CERS4: variants seen among roughly 807,000 people sequenced by gnomAD.
CERS4 encodes the protein LAG1 homolog, ceramide synthase 4.
Under a neutral mutation model 51.8 loss-of-function variants are expected in CERS4, and 65 were observed. The ratio of observed to expected loss-of-function variants is 1.26; its 90% CI spans 1.03 to 1.54. The LOEUF is 1.54. Among genes scored for constraint, CERS4 ranks in the 40% most tolerant of loss-of-function variants. The pLI is 0.00. For synonymous variants in CERS4, 228 were observed against 208.4 expected (o/e 1.09, Z -0.81); for missense variants, 563 against 500.4 (o/e 1.13, Z -1.19).
intron 2 of CERS4, among the ~76,000 whole-genome samples, chr19:8,224,421 A>T (rs1337485782): frequency 1.3e-5 from 2 of 150,930 alleles, no homozygotes; most frequent in African/African-American, 4.9e-5. Context: ...AAAAAAAAAA[A>T]AAAATTGTTG....
intron 8 of CERS4, 67 bp downstream of exon 8, chr19:8,256,777 G>A (rs1408734167): frequency 3.2e-6 from 5 of 1,578,458 alleles, no homozygotes; most frequent in East Asian, 4.5e-5. Flanking sequence ...GGGGGGTAGG[G>A]CAGCCTTACA....
chr19:8,253,819 A>G (rs1969219128), intron 3 of CERS4, among the ~76,000 whole-genome samples: 1 of 151,844 alleles, frequency 6.6e-6, no homozygotes, highest in East Asian at 2.0e-4. Flanking sequence ...CGAACTTCTG[A>G]CCTCACGTGA....
chr19:8,259,781 A>T (rs536114502), intron 10 of CERS4, among the ~76,000 whole-genome samples: 4 of 151,996 alleles, frequency 2.6e-5, no homozygotes, highest in African/African-American at 4.8e-5. Context: ...GTAATGTAGG[A>T]GTTGTCAGTC....
rs57335041 is a variant in CERS4 at position 8,232,471 on chromosome 19, T to C, written c.-1-18605T>C. Among the ~76,000 whole-genome samples the C allele has an allele frequency of 6.4e-3, 980 of 152,038 alleles. 15 individuals are homozygous for C. The highest frequency in any genetic ancestry group is 0.022 in the African/African-American group (931 of 41,496). Reference sequence around the variant, plus strand: ...ACACCCGGCAATTTTTTTGTATTTTTAGTAGAGACGGGGTTTCTCCATGTT... The same window carrying C: ...ACACCCGGCAATTTTTTTGTATTTTCAGTAGAGACGGGGTTTCTCCATGTT... On this transcript the variant is annotated intron_variant, in intron 2 of 11. Transcript: ENST00000251363.
rs1306992472 is a variant in CERS4, at chr19:8,221,910, C to T, written c.-2+11048C>T. On this transcript the variant is annotated intron_variant, in intron 2 of 11. Coordinates refer to ENST00000251363, the MANE Select transcript of CERS4 (RefSeq NM_024552.3). Reference sequence around the variant, plus strand: ...TTTTTTTTTTTTTTTGAGACAGAGGCTTGCTCTGTCGCCCAGGCTGGAGTG... The same window carrying T: ...TTTTTTTTTTTTTTTGAGACAGAGGTTTGCTCTGTCGCCCAGGCTGGAGTG... 1.4e-4 allele frequency among the ~76,000 whole-genome samples: 13 copies of T among 94,072 alleles called. No homozygotes were observed. The Admixed American group carries it at 2.0e-3, about 14-fold the overall frequency. 61.7% of individuals were successfully genotyped at this position (94,072 alleles called of 152,430 possible).
chr19:8,219,627 A>G (rs879932687), intron 2 of CERS4, among the ~76,000 whole-genome samples: 16 of 152,004 alleles, frequency 1.1e-4, no homozygotes, highest in Non-Finnish European at 2.1e-4. Context: ...GACCAGCCTG[A>G]CCAACATGGT....
intron 2 of CERS4, among the ~76,000 whole-genome samples, chr19:8,220,114 C>T (rs909381934): frequency 1.3e-3 from 199 of 152,154 alleles, no homozygotes; most frequent in East Asian, 5.8e-4. Context: ...CTGGAATTTG[C>T]CCACCGGCTC....
At chr19:8,253,156 C>CTGTGG (rs1969176352) in intron 3 of CERS4, among the ~76,000 whole-genome samples, 1 of 152,222 alleles carries the variant, frequency 6.6e-6, no homozygotes, top group Admixed American at 6.5e-5. Context: ...CGGTCCCCAC[C>CTGTGG]TGTGGTGTTG....
Position 8,242,507 on chromosome 19 carries a change from T to C in CERS4, c.-1-8569T>C, listed in dbSNP as rs1355216343. On this transcript the variant is annotated intron_variant, in intron 2 of 11. Coordinates refer to ENST00000251363, the MANE Select transcript of CERS4 (RefSeq NM_024552.3). The stretch of plus-strand genomic sequence containing the variant: ...CCTCCCTGCAAAAACACTGGCCAGC[T>C]CCTGACATCACAGTAAGACAGGGTT... Among the ~76,000 whole-genome samples the C allele has an allele frequency of 2.0e-5, 3 of 152,142 alleles. No individual in the cohort carries two copies. In the East Asian group the frequency reaches 5.8e-4, roughly 29 times the overall value.
chr19:8,261,428 T>G, intron 10 of CERS4: 1 of 495,356 alleles, frequency 2.0e-6, no homozygotes, highest in Non-Finnish European at 3.6e-6. Flanking sequence ...AGCAGCTGAG[T>G]TCATAAGTAC....
chr19:8,250,347 A>G (rs578065557), intron 2 of CERS4, among the ~76,000 whole-genome samples: 33 of 152,350 alleles, frequency 2.2e-4, no homozygotes, highest in African/African-American at 7.5e-4. Flanking sequence ...AGTTAAGTGC[A>G]GAGTAATAAC....
chr19:8,229,847 C>T (rs776254261), intron 2 of CERS4, among the ~76,000 whole-genome samples: 2 of 152,340 alleles, frequency 1.3e-5, no homozygotes, highest in Middle Eastern at 3.4e-3. Context: ...GCTGGGACTA[C>T]AGGCATGTGC....
At position 8,234,542 on chromosome 19, in the gene CERS4, A is replaced by ATTT. The variant is rs35971828; in HGVS notation, c.-1-16508_-1-16506dup. Among the ~76,000 whole-genome samples, 140 of 54,194 alleles carry ATTT rather than the reference A, an allele frequency of 2.6e-3. 12 individuals are homozygous for ATTT. In the East Asian group the frequency reaches 0.028, roughly 11 times the overall value. The allele number at this position is 54,194 out of a possible 152,430, so 35.6% of individuals were successfully genotyped here. A position where few individuals can be genotyped will look rare whatever the true frequency, so the allele number is the denominator to read the frequency against. ...CCCTTCCCCTGGCACCCACCATTCT[A>ATTT]TTTTTTTTTTTTTTTTTTTTTTTTT... On this transcript the variant is annotated intron_variant, in intron 2 of 11. Coordinates refer to ENST00000251363, the MANE Select transcript of CERS4 (RefSeq NM_024552.3).
rs755134247 is a variant in CERS4 at position 8,257,951 on chromosome 19, T to TGGTCC, written c.814_815insGGTCC (p.Phe272TrpfsTer40). On this transcript the variant is annotated frameshift_variant, in exon 10 of 12. Transcript: ENST00000251363. LOFTEE classifies it high-confidence loss of function. The stretch of plus-strand genomic sequence containing the variant: ...TCTCTTCCTCATCTTCTCCTTTGTC[T>TGGTCC]TCTTCTACACCCGACTGGTCCTCTT... The TGGTCC allele has an allele frequency of 6.2e-7, 1 of 1,613,690 alleles. No homozygotes were observed. Among genetic ancestry groups the TGGTCC allele is most frequent in the South Asian group, 1.1e-5 (1 of 91,086 alleles).
chr19:8,251,814 T>A (rs1167157218), intron 3 of CERS4, among the ~76,000 whole-genome samples: 3 of 114,414 alleles, frequency 2.6e-5, no homozygotes, highest in Admixed American at 8.1e-5. Context: ...AAAAAAAAAA[T>A]GTGAGCTGGG....
intron 2 of CERS4, among the ~76,000 whole-genome samples, chr19:8,237,767 C>T (rs1428143526): frequency 1.3e-5 from 2 of 152,014 alleles, no homozygotes; most frequent in African/African-American, 2.4e-5. Context: ...AGGAGAATGG[C>T]GTGAACCCGG....
In CERS4 at chr19:8,255,760, AGCGGGCCGGGGTGGG is replaced by A. The variant is rs780322404; in HGVS notation, c.410+41_411-42del. The A allele has an allele frequency of 3.7e-6, 5 of 1,368,318 alleles. No individual in the cohort carries two copies. In the Admixed American group the frequency reaches 7.4e-5, roughly 20 times the overall value. The allele number at this position is 1,368,318 out of a possible 1,614,324, so 84.8% of individuals were successfully genotyped here. A position where few individuals can be genotyped will look rare whatever the true frequency, so the allele number is the denominator to read the frequency against. ...GGATGGGGCTTCTGGGGTGCAGGGA[AGCGGGCCGGGGTGGG>A]GCGGGGCGGGTGTCTGCTATTTTCA... On this transcript the variant is annotated intron_variant, in intron 5 of 11. Transcript: ENST00000251363.
intron 2 of CERS4, among the ~76,000 whole-genome samples, chr19:8,229,015 T>G (rs1463182468): frequency 1.4e-5 from 2 of 144,664 alleles, no homozygotes; most frequent in South Asian, 4.4e-4. Flanking sequence ...CGGTGAGACT[T>G]CATCTAAAAA....
At chr19:8,218,833 A>G (rs1302402979) in intron 2 of CERS4, among the ~76,000 whole-genome samples, 1 of 151,574 alleles carries the variant, frequency 6.6e-6, no homozygotes, top group Non-Finnish European at 1.5e-5. Flanking sequence ...AACCCATCCA[A>G]CCCAGAGGGC....
Sources: gnomAD v4.1 joint callset for allele counts (sites outside exome capture counted in the v4.1 genomes callset) on GRCh38, gnomAD v4.1.1 for gene constraint, MANE v1.5 for transcripts, NCBI Gene and HGNC (gene_info 2026-07-23, HGNC 2026-07-21) for gene names.